Variants in PI4KB observed in about 807,000 individuals in gnomAD.
The protein encoded by PI4KB is PtdIns 4-kinase beta.
Under a neutral mutation model 81.4 loss-of-function variants are expected in PI4KB, and 23 were observed. The observed-to-expected ratio is 0.28, with a 90% CI of 0.20 to 0.40. The LOEUF (loss-of-function observed/expected upper bound fraction) is 0.40. PI4KB is among the 10% of genes least tolerant of loss of function. The pLI, the probability that PI4KB is intolerant of heterozygous loss-of-function variation, is 1.00. For missense variants in PI4KB, 651 were observed against 1,036.6 expected, an observed-to-expected ratio of 0.63 and a Z score of 5.11; for synonymous variants, 381 against 406.8, an observed-to-expected ratio of 0.94 and a Z score of 0.76.
rs776256128 is a variant in PI4KB, at chr1:151,294,156, C to T, written c.2149-18G>A. On this transcript the variant is annotated intron_variant, in intron 10 of 11. Coordinates refer to ENST00000368873, the MANE Select transcript of PI4KB (RefSeq NM_001369623.2). ...CCCATCACCTGGAAAGGGAAGAGAG[C>T]GTTGTGTGCACAAGGGGTCTTACAC... The T allele has an allele frequency of 1.3e-5, 21 of 1,607,396 alleles. No homozygotes were observed. Among genetic ancestry groups the T allele is most frequent in the Middle Eastern group, 1.7e-4 (1 of 6,028 alleles).
intron 1 of PI4KB, among the ~76,000 whole-genome samples, chr1:151,325,128 A>T (rs981555807): frequency 6.6e-6 from 1 of 151,420 alleles, no homozygotes; most frequent in African/African-American, 2.4e-5. Context: ...AGTAGCTGGG[A>T]TTACAGAAGC....
At chr1:151,293,903 T>C in intron 11 of PI4KB, 115 bp downstream of exon 11, 1 of 1,191,336 alleles carries the variant, frequency 8.4e-7, no homozygotes, top group Non-Finnish European at 1.2e-6. Context: ...AGAAACTCTC[T>C]GGGAACCCCC....
chr1:151,296,314 G>A (rs1033828467), intron 9 of PI4KB, among the ~76,000 whole-genome samples: 1 of 152,104 alleles, frequency 6.6e-6, no homozygotes, highest in Admixed American at 6.6e-5. Flanking sequence ...CCATTTGTAG[G>A]GCTGGCAGGG....
At chr1:151,293,787 G>A (rs1694540649) in intron 11 of PI4KB, 1 of 493,942 alleles carries the variant, frequency 2.0e-6, no homozygotes, top group Non-Finnish European at 3.6e-6. Flanking sequence ...CCCTAAAGAT[G>A]CCAAGGAGGC....
At position 151,316,068 on chromosome 1, in the gene PI4KB, C is replaced by T; in HGVS notation, c.414G>A (p.Leu138=). Residue 138 remains leucine (L), a synonymous_variant, in exon 2 of 12, where the codon CTG becomes CTA. Coordinates refer to ENST00000368873, the MANE Select transcript of PI4KB (RefSeq NM_001369623.2). Reference sequence around the variant, plus strand: ...ATGAAATGGCCATGGAGATGTCAAACAGTTTTGACTCAAACAGCCTCAGCA... The same window carrying T: ...ATGAAATGGCCATGGAGATGTCAAATAGTTTTGACTCAAACAGCCTCAGCA... ...SWLLRLFESK[L]FDISMAISYL... is the part of the protein sequence containing the mutation. 1 of 1,614,150 alleles carries T rather than the reference C, an allele frequency of 6.2e-7. No homozygotes were observed. The highest frequency in any genetic ancestry group is 1.1e-5 in the South Asian group (1 of 91,084).
At position 151,292,532 on chromosome 1, in the gene PI4KB, G is replaced by A; in HGVS notation, c.*320C>T. On this transcript the variant is annotated 3_prime_UTR_variant, in exon 12 of 12. Transcript: ENST00000368873. ...AAGAACCTCTGAGAGACCCCTACAA[G>A]GAGAAGAAAGGCCCCAGTGTCCCTC... 1 of 285,570 alleles carries A rather than the reference G, an allele frequency of 3.5e-6. No homozygotes were observed. The highest frequency in any genetic ancestry group is 6.7e-6 in the Non-Finnish European group (1 of 149,952). 17.7% of individuals were successfully genotyped at this position (285,570 alleles called of 1,614,324 possible). A position where few individuals can be genotyped will look rare whatever the true frequency, so the allele number is the denominator to read the frequency against.
intron 7 of PI4KB, 86 bp downstream of exon 7, chr1:151,302,108 G>T: frequency 6.5e-7 from 1 of 1,542,154 alleles, no homozygotes; most frequent in Non-Finnish European, 8.9e-7. Flanking sequence ...TTTTTTGGAG[G>T]CTGATGGACA....
In PI4KB at chr1:151,294,148, GA is replaced by G; in HGVS notation, c.2149-11del. On this transcript the variant is annotated splice_polypyrimidine_tract_variant and intron_variant, in intron 10 of 11. Transcript: ENST00000368873. ...CCAGGCCGCCCATCACCTGGAAAGG[GA>G]AGAGAGCGTTGTGTGCACAAGGGGT... 1 of 1,610,340 alleles carries G rather than the reference GA, an allele frequency of 6.2e-7. No individual in the cohort carries two copies.
At chr1:151,302,430 C>G in intron 6 of PI4KB, 132 bp from the exon 7 acceptor site, 1 of 646,486 alleles carries the variant, frequency 1.5e-6, no homozygotes, top group East Asian at 2.6e-5. Context: ...CTGAAAGGGA[C>G]TCATGGAAGA....
chr1:151,319,911 C>A (rs770413915), intron 1 of PI4KB, among the ~76,000 whole-genome samples: 2 of 152,198 alleles, frequency 1.3e-5, no homozygotes. Flanking sequence ...CCCGGTGACC[C>A]TGGATGCATA....
At position 151,315,643 on chromosome 1, in the gene PI4KB, G is replaced by A; in HGVS notation, c.839C>T (p.Thr280Ile). The A allele has an allele frequency of 6.2e-7, 1 of 1,614,146 alleles. No individual in the cohort carries two copies. Among genetic ancestry groups the A allele is most frequent in the Non-Finnish European group, 8.5e-7 (1 of 1,180,022 alleles). The stretch of plus-strand genomic sequence containing the variant: ...GTTGCTGCTGAGACTTATGCTGGCA[G>A]TGGCATCTGACTTAGAGCGCTGGTG... The part of the protein sequence containing the change: ...RTHQRSKSDA[T>I]ASISLSSNLK... The change falls in exon 2 of 12, where the codon ACT becomes ATT. Residue 280 changes from threonine to isoleucine, a missense_variant. This residue lies in a region of PI4KB where 314 missense variants were observed against 397.8 expected (regional missense o/e 0.79). Coordinates refer to ENST00000368873, the MANE Select transcript of PI4KB (RefSeq NM_001369623.2).
chr1:151,293,837 C>A, intron 11 of PI4KB, 181 bp downstream of exon 11: 1 of 637,804 alleles, frequency 1.6e-6, no homozygotes, highest in Non-Finnish European at 2.6e-6. Flanking sequence ...TGGACTTAGC[C>A]TTACCAGGGT....
chr1:151,318,977 A>AGAGC (rs1487322662), intron 1 of PI4KB, among the ~76,000 whole-genome samples: 3 of 152,208 alleles, frequency 2.0e-5, no homozygotes, highest in Non-Finnish European at 2.9e-5. Flanking sequence ...TATAATGGAA[A>AGAGC]GAGCTCTGGA....
chr1:151,298,675 C>T (rs898866360), intron 9 of PI4KB, 133 bp downstream of exon 9: 10 of 982,892 alleles, frequency 1.0e-5, no homozygotes, highest in Non-Finnish European at 1.5e-5. Flanking sequence ...ACACATCTGT[C>T]TCTGCTTAAA....
chr1:151,326,052 T>C (rs1450079547), intron 1 of PI4KB: 22 of 1,003,498 alleles, frequency 2.2e-5, no homozygotes, highest in Non-Finnish European at 3.1e-6. Context: ...AAAACTATTC[T>C]AGTAAACCAC....
At chr1:151,324,930 C>G in intron 1 of PI4KB, 1 of 981,810 alleles carries the variant, frequency 1.0e-6, no homozygotes, top group Non-Finnish European at 1.2e-6. Flanking sequence ...AAGAAGAAAG[C>G]AGGGAAATGA....
At chr1:151,324,642 A>G in intron 1 of PI4KB, 1 of 355,648 alleles carries the variant, frequency 2.8e-6, no homozygotes, top group Non-Finnish European at 3.9e-6. Context: ...AACTCTGTGC[A>G]GAGCCATGGA....
chr1:151,302,009 G>C, intron 7 of PI4KB, 42 bp from the exon 8 acceptor site: 4 of 1,611,838 alleles, frequency 2.5e-6, no homozygotes, highest in Non-Finnish European at 3.4e-6. Context: ...TTGATGCCAG[G>C]GTGAGGACAA....
intron 1 of PI4KB, among the ~76,000 whole-genome samples, chr1:151,316,791 T>C (rs1648014970): frequency 1.3e-5 from 2 of 152,130 alleles, no homozygotes; most frequent in South Asian, 4.1e-4. Flanking sequence ...ATATGTTGTA[T>C]TTATATAGAT....
Sources: allele counts gnomAD v4.1 joint callset (sites outside exome capture counted in the v4.1 genomes callset), GRCh38; gene constraint gnomAD v4.1.1; regional missense constraint gnomAD v4.1.1; transcripts MANE v1.5; gene names NCBI Gene and HGNC (gene_info 2026-07-23, HGNC 2026-07-21).